The following MEGF6 variants were observed in gnomAD, a reference collection of about 807,000 sequenced individuals.
The protein encoded by MEGF6 is multiple epidermal growth factor-like domains protein 6.
In MEGF6, 184 loss-of-function variants were observed where a neutral mutation model predicts 207.1. The observed-to-expected ratio is 0.89, with a 90% CI of 0.79 to 1.00. The LOEUF (loss-of-function observed/expected upper bound fraction) is 1.00, where lower values mean the gene tolerates loss of function less well. Among genes scored for constraint, MEGF6 ranks in the 50% least tolerant of loss-of-function variants. The pLI, the probability that MEGF6 is intolerant of heterozygous loss-of-function variation, is 0.00. For synonymous variants in MEGF6, 1,038 were observed against 910.0 expected, an observed-to-expected ratio of 1.14 and a Z score of -2.53; for missense variants, 2,282 against 2,202.9, an observed-to-expected ratio of 1.04 and a Z score of -0.72.
chr1:3,563,422 G>A (rs1249233266), intron 4 of MEGF6, among the ~76,000 whole-genome samples: 6 of 152,242 alleles, frequency 3.9e-5, no homozygotes, highest in East Asian at 1.9e-4. Context: ...CTATAGGTCC[G>A]TCCCCTCGTC....
At chr1:3,508,938 T>G (rs996439107) in intron 12 of MEGF6, 137 bp downstream of exon 12, 2 of 1,151,756 alleles carry the variant, frequency 1.7e-6, no homozygotes, top group Non-Finnish European at 2.4e-6. Flanking sequence ...TCACCCTCTC[T>G]GGGCCTTGGT....
intron 1 of MEGF6, among the ~76,000 whole-genome samples, chr1:3,608,772 T>C (rs935993638): frequency 6.6e-6 from 1 of 152,128 alleles, no homozygotes; most frequent in Non-Finnish European, 1.5e-5. Context: ...CCAGACCCCG[T>C]TCCCAGATGC....
At chr1:3,590,496 C>T (rs1031347139) in intron 3 of MEGF6, among the ~76,000 whole-genome samples, 6 of 152,234 alleles carry the variant, frequency 3.9e-5, no homozygotes, top group African/African-American at 1.4e-4. Flanking sequence ...GAGGCCCCAC[C>T]GCCCCGCCCG....
intron 1 of MEGF6, among the ~76,000 whole-genome samples, chr1:3,610,049 TCA>T (rs1199946799): frequency 1.3e-5 from 2 of 152,224 alleles, no homozygotes; most frequent in East Asian, 1.9e-4. Flanking sequence ...GGCATTGGAA[TCA>T]CAGGAAAGAG....
chr1:3,577,542 G>A (rs569716509), intron 4 of MEGF6, among the ~76,000 whole-genome samples: 4 of 152,334 alleles, frequency 2.6e-5, no homozygotes, highest in South Asian at 2.1e-4. Flanking sequence ...ATGAGGTGAC[G>A]CAGGCAGAGA....
chr1:3,555,552 G>T (rs1422853864), intron 4 of MEGF6, among the ~76,000 whole-genome samples: 3 of 152,272 alleles, frequency 2.0e-5, no homozygotes, highest in Non-Finnish European at 2.9e-5. Context: ...AGCTCCTGGG[G>T]TCTGGCCTGC....
In MEGF6 at chr1:3,496,078, C is replaced by T. The variant is rs997672174; in HGVS notation, c.3743-60G>A. The T allele has an allele frequency of 1.4e-5, 20 of 1,460,746 alleles. No homozygotes were observed. In the African/African-American group the frequency reaches 2.0e-4, roughly 14 times the overall value. 90.5% of individuals were successfully genotyped at this position (1,460,746 alleles called of 1,614,324 possible). On this transcript the variant is annotated intron_variant, in intron 29 of 36. Transcript: ENST00000356575. The stretch of plus-strand genomic sequence containing the variant: ...CCCTTCTCTCCCTGCCCGGTCAACC[C>T]CGGAGTGGGGATAGGACAGGATGGG...
intron 4 of MEGF6, among the ~76,000 whole-genome samples, chr1:3,568,299 A>G (rs568143144): frequency 6.8e-6 from 1 of 147,176 alleles, no homozygotes; most frequent in South Asian, 2.1e-4. Flanking sequence ...TGCTTGGGTA[A>G]AAACCAAGGC....
intron 4 of MEGF6, among the ~76,000 whole-genome samples, chr1:3,526,977 TATG>T (rs1329690554): frequency 1.3e-5 from 2 of 152,152 alleles, no homozygotes; most frequent in Admixed American, 6.5e-5. Context: ...GAGAAAATAT[TATG>T]ATTTCAAAAG....
intron 4 of MEGF6, among the ~76,000 whole-genome samples, chr1:3,530,388 G>C (rs1396524052): frequency 6.6e-6 from 1 of 152,252 alleles, no homozygotes; most frequent in Admixed American, 6.5e-5. Context: ...TGCGGCTGAC[G>C]ACTCACTGGG....
In MEGF6 at chr1:3,495,871, C is replaced by T. The variant is rs536143163; in HGVS notation, c.3871+19G>A. The T allele has an allele frequency of 2.0e-4, 316 of 1,597,208 alleles. No individual in the cohort carries two copies. The highest frequency in any genetic ancestry group is 2.7e-5 in the Non-Finnish European group (32 of 1,178,954). ...TCTGTGAAGGGCCTGTGAGCATGCC[C>T]TCTGGAGTGAACACTCACCTCGCTC... is the stretch of plus-strand genomic sequence containing the variant. On this transcript the variant is annotated intron_variant, in intron 30 of 36. Transcript: ENST00000356575.
chr1:3,561,087 G>A (rs559534313), intron 4 of MEGF6, among the ~76,000 whole-genome samples: 1 of 152,292 alleles, frequency 6.6e-6, no homozygotes, highest in South Asian at 2.1e-4. Flanking sequence ...CAAGGGTAAA[G>A]GACCCGCTGG....
chr1:3,612,638 A>C (rs1474940199), upstream of MEGF6, among the ~76,000 whole-genome samples: 1 of 152,152 alleles, frequency 6.6e-6, no homozygotes, highest in Non-Finnish European at 1.5e-5. Context: ...CAGCTCAGCC[A>C]CTGAAGCCTG....
intron 1 of MEGF6, among the ~76,000 whole-genome samples, chr1:3,607,938 C>G (rs1381580392): frequency 6.6e-6 from 1 of 152,030 alleles, no homozygotes. Context: ...TTGGGGAGGG[C>G]GGGGATCCAG....
chr1:3,584,648 C>G (rs1200420618), intron 3 of MEGF6, among the ~76,000 whole-genome samples: 2 of 152,228 alleles, frequency 1.3e-5, no homozygotes, highest in Non-Finnish European at 2.9e-5. Context: ...GGCAGGCCCA[C>G]GTCCCCTCAC....
At chr1:3,548,833 CA>C (rs1395832172) in intron 4 of MEGF6, among the ~76,000 whole-genome samples, 4 of 152,212 alleles carry the variant, frequency 2.6e-5, no homozygotes, top group Admixed American at 2.0e-4. Flanking sequence ...TGCTAGGCTC[CA>C]CGGGGAAAGG....
At chr1:3,581,129 C>T (rs926441332) in intron 3 of MEGF6, among the ~76,000 whole-genome samples, 1 of 152,158 alleles carries the variant, frequency 6.6e-6, no homozygotes, top group Non-Finnish European at 1.5e-5. Context: ...ATGACCGGCT[C>T]GGGCTTCAGG....
chr1:3,609,436 G>A (rs74659429), intron 1 of MEGF6, among the ~76,000 whole-genome samples: 1,686 of 152,318 alleles, frequency 0.011, 64 homozygotes, highest in East Asian at 0.097. Flanking sequence ...GCCTGCCACC[G>A]TCACAGAACT....
At position 3,507,416 on chromosome 1, in the gene MEGF6, C is replaced by A. The variant is rs547496746; in HGVS notation, c.1789+379G>T. 1.2e-4 allele frequency among the ~76,000 whole-genome samples: 18 copies of A among 152,302 alleles called. No individual in the cohort carries two copies. In the East Asian group the frequency reaches 3.3e-3, roughly 28 times the overall value. Reference sequence around the variant, plus strand: ...TTGCAGCCACTGGCCCCCAAGTAATCCCTTCTGCAAACCTCACCCAGCCAT... The same window carrying A: ...TTGCAGCCACTGGCCCCCAAGTAATACCTTCTGCAAACCTCACCCAGCCAT... On this transcript the variant is annotated intron_variant, in intron 14 of 36. Transcript: ENST00000356575.
Sources: gnomAD v4.1 joint callset for allele counts (sites outside exome capture counted in the v4.1 genomes callset) on GRCh38, gnomAD v4.1.1 for gene constraint, MANE v1.5 for transcripts, NCBI Gene and HGNC (gene_info 2026-07-23, HGNC 2026-07-21) for gene names.